RPL14: variants seen among roughly 807,000 people sequenced by gnomAD.
The protein encoded by RPL14 is large ribosomal subunit protein eL14.
Under a neutral mutation model 25.3 loss-of-function variants are expected in RPL14, and 4 were observed. That is an observed-to-expected ratio of 0.16 (90% CI 0.08 to 0.36). RPL14 has a LOEUF of 0.36. RPL14 is among the 10% of genes least tolerant of loss of function. The pLI, the probability that RPL14 is intolerant of heterozygous loss-of-function variation, is 1.00. For missense variants in RPL14, 212 were observed against 261.9 expected, an observed-to-expected ratio of 0.81 and a Z score of 1.31; for synonymous variants, 75 against 89.8, an observed-to-expected ratio of 0.84 and a Z score of 0.93.
At chr3:40,458,092 G>T in intron 2 of RPL14, 101 bp downstream of exon 2, 1 of 978,218 alleles carries the variant, frequency 1.0e-6, no homozygotes, top group Non-Finnish European at 1.6e-6. Context: ...GGATGCTATG[G>T]GTAGTCGCTT....
At chr3:40,458,525 A>G (rs999820770) in intron 2 of RPL14, 117 bp from the exon 3 acceptor site, 71 of 726,206 alleles carry the variant, frequency 9.8e-5, no homozygotes, top group Non-Finnish European at 7.8e-5. Context: ...TGAGCAATTT[A>G]TTAAAATAGT....
At chr3:40,461,017 A>G (rs2125625565) in intron 3 of RPL14, among the ~76,000 whole-genome samples, 1 of 152,200 alleles carries the variant, frequency 6.6e-6, no homozygotes, top group Admixed American at 6.5e-5. Context: ...GCAACGTAGC[A>G]AGACCCTGTC....
In RPL14 at chr3:40,457,484, C is replaced by T. The variant is rs780180858; in HGVS notation, c.3+10C>T. On this transcript the variant is annotated intron_variant, in intron 1 of 5. Coordinates refer to ENST00000396203, the MANE Select transcript of RPL14 (RefSeq NM_001034996.3). ...TCCCGGGAAGCGCATGGTGAGGGTC[C>T]CCGGGCCGGCTGTGCAGCGGAATCG... 7 of 1,545,236 alleles carry T rather than the reference C, an allele frequency of 4.5e-6. No homozygotes were observed. The highest frequency in any genetic ancestry group is 4.4e-6 in the Non-Finnish European group (5 of 1,140,672).
chr3:40,460,929 G>A (rs1257243270), intron 3 of RPL14, among the ~76,000 whole-genome samples: 1 of 151,146 alleles, frequency 6.6e-6, no homozygotes, highest in Non-Finnish European at 1.5e-5. Context: ...GGGTGCAGTG[G>A]CTCATACCTG....
rs1696964032 is a variant in RPL14, at chr3:40,462,657, T to C, written c.*425T>C. The C allele has an allele frequency of 1.3e-5, 2 of 158,610 alleles. No homozygotes were observed. Among genetic ancestry groups the C allele is most frequent in the Admixed American group, 1.2e-4 (2 of 16,456 alleles). 9.8% of individuals were successfully genotyped at this position (158,610 alleles called of 1,614,324 possible). On this transcript the variant is annotated 3_prime_UTR_variant, in exon 6 of 6. Coordinates refer to ENST00000396203, the MANE Select transcript of RPL14 (RefSeq NM_001034996.3). ...TCCCAAAGTGCTAGGATTGCAGGCA[T>C]GAGCCGCCGCGCCTGGCCTAAATAA...
At position 40,464,218 on chromosome 3, in the gene RPL14, CCAAA is replaced by C; in HGVS notation, c.*1987_*1990del. ...CAGGTGATCTGTCCGCCTTGGCCTC[CCAAA>C]GTGCTGGGATTACAGGCGTGAGCCA... On this transcript the variant is annotated 3_prime_UTR_variant, in exon 6 of 6. Transcript: ENST00000396203. 3.0e-6 allele frequency: 1 copy of C among 338,656 alleles called. No homozygotes were observed. The highest frequency in any genetic ancestry group is 2.3e-5 in the South Asian group (1 of 42,558). 21.0% of individuals were successfully genotyped at this position (338,656 alleles called of 1,614,324 possible). A position where few individuals can be genotyped will look rare whatever the true frequency, so the allele number is the denominator to read the frequency against.
rs1202667746 is a variant in RPL14 at position 40,462,925 on chromosome 3, ATTTATTTT to A, written c.*697_*704del. On this transcript the variant is annotated 3_prime_UTR_variant, in exon 6 of 6. Transcript: ENST00000396203. ...AGAGTCTAGCAGATTTATTTTATTT[ATTTATTTT>A]TTTTTTTTGGAGACAGAGTCTTGCT... 22 of 151,582 alleles carry A rather than the reference ATTTATTTT, an allele frequency of 1.5e-4. No individual in the cohort carries two copies. Among genetic ancestry groups the A allele is most frequent in the African/African-American group, 5.4e-4 (22 of 41,018 alleles). 9.4% of individuals were successfully genotyped at this position (151,582 alleles called of 1,614,324 possible).
intron 3 of RPL14, among the ~76,000 whole-genome samples, chr3:40,459,717 G>T (rs968926685): frequency 1.3e-5 from 2 of 152,006 alleles, no homozygotes; most frequent in African/African-American, 2.4e-5. Context: ...AAATATTCCG[G>T]GCATGGTGGC....
intron 2 of RPL14, 133 bp from the exon 3 acceptor site, chr3:40,458,509 C>CT: frequency 1.5e-6 from 1 of 673,350 alleles, no homozygotes; most frequent in East Asian, 2.7e-5. Context: ...CAATCCTTGT[C>CT]TTTTCTGAGC....
In RPL14 at chr3:40,457,997, T is replaced by C. The variant is rs200647892; in HGVS notation, c.105+6T>C. On this transcript the variant is annotated splice_donor_region_variant and intron_variant, in intron 2 of 5. Coordinates refer to ENST00000396203, the MANE Select transcript of RPL14 (RefSeq NM_001034996.3). ...ATGTTATTGATCAGAACAGGGTAAGTGTCACAACTTTTTACTAAACATGGC... is the reference window on the plus strand; with the variant it reads ...ATGTTATTGATCAGAACAGGGTAAGCGTCACAACTTTTTACTAAACATGGC... The C allele has an allele frequency of 3.3e-4, 531 of 1,613,150 alleles. 2 individuals carry two copies. Among genetic ancestry groups the C allele is most frequent in the Middle Eastern group, 1.2e-3 (7 of 6,060 alleles).
intron 3 of RPL14, 70 bp from the exon 4 acceptor site, chr3:40,461,337 A>T: frequency 7.6e-7 from 1 of 1,307,574 alleles, no homozygotes; most frequent in Non-Finnish European, 1.1e-6. Flanking sequence ...TTCAAGGAAC[A>T]AAGAAAGTGT....
intron 3 of RPL14, 106 bp downstream of exon 3, chr3:40,458,842 A>G (rs577229421): frequency 3.6e-6 from 3 of 824,360 alleles, no homozygotes; most frequent in South Asian, 2.9e-5. Context: ...CATCCTGAAG[A>G]GGGATTTGCA....
At position 40,462,372 on chromosome 3, in the gene RPL14, CCTTT is replaced by C; in HGVS notation, c.*141_*144del. ...TATAATAAACATTAAATAATCAGTT[CCTTT>C]TTTTTTTTTTTTTTTTTTGAGATGG... is the stretch of plus-strand genomic sequence containing the variant. On this transcript the variant is annotated 3_prime_UTR_variant, in exon 6 of 6. Coordinates refer to ENST00000396203, the MANE Select transcript of RPL14 (RefSeq NM_001034996.3). 5.8e-6 allele frequency: 3 copies of C among 519,752 alleles called. No individual in the cohort carries two copies. The highest frequency in any genetic ancestry group is 8.5e-6 in the Non-Finnish European group (3 of 353,076). The allele number at this position is 519,752 out of a possible 1,614,324, so 32.2% of individuals were successfully genotyped here.
In RPL14 at chr3:40,464,304, T is replaced by A. The variant is rs565395065; in HGVS notation, c.*2072T>A. 12 of 358,642 alleles carry A rather than the reference T, an allele frequency of 3.3e-5. No homozygotes were observed. In the East Asian group the frequency reaches 8.8e-4, roughly 26 times the overall value. The allele number at this position is 358,642 out of a possible 1,614,324, so 22.2% of individuals were successfully genotyped here. A position where few individuals can be genotyped will look rare whatever the true frequency, so the allele number is the denominator to read the frequency against. The stretch of plus-strand genomic sequence containing the variant: ...ATTTGTTTCCTAACCAAAAGCTAGC[T>A]TCAGGCGTCACTGGGGTAAAGGAAA... On this transcript the variant is annotated 3_prime_UTR_variant, in exon 6 of 6. Coordinates refer to ENST00000396203, the MANE Select transcript of RPL14 (RefSeq NM_001034996.3).
chr3:40,467,273 T>C lies in RPL14; in HGVS notation c.*5041T>C, dbSNP rs1237803461. 6.6e-6 allele frequency: 1 copy of C among 152,082 alleles called. No homozygotes were observed. The highest frequency in any genetic ancestry group is 1.5e-5 in the Non-Finnish European group (1 of 68,032). 9.4% of individuals were successfully genotyped at this position (152,082 alleles called of 1,614,324 possible). Reference sequence around the variant, plus strand: ...GGGATGGATGAATGGACTCAAGAGATTGTGGAAACCAAGAAGTCCCACAAA... The same window carrying C: ...GGGATGGATGAATGGACTCAAGAGACTGTGGAAACCAAGAAGTCCCACAAA... On this transcript the variant is annotated 3_prime_UTR_variant, in exon 6 of 6. Coordinates refer to ENST00000396203, the MANE Select transcript of RPL14 (RefSeq NM_001034996.3).
At chr3:40,457,559 T>A in intron 1 of RPL14, 85 bp downstream of exon 1, 1 of 1,194,828 alleles carries the variant, frequency 8.4e-7, no homozygotes, top group Non-Finnish European at 1.2e-6. Flanking sequence ...GGCGAGCGCG[T>A]GGAGGGCCCG....
At chr3:40,458,957 C>G in intron 3 of RPL14, 1 of 471,614 alleles carries the variant, frequency 2.1e-6, no homozygotes, top group East Asian at 3.8e-5. Flanking sequence ...GGGAGGGTCT[C>G]TTGAGCCCAA....
Position 40,464,625 on chromosome 3 carries a change from C to G in RPL14, c.*2393C>G. The stretch of plus-strand genomic sequence containing the variant: ...GGTTTTTTAAAATGGCGTGATATCT[C>G]AGATTTAGATCATTGAACTGTTAAG... On this transcript the variant is annotated 3_prime_UTR_variant, in exon 6 of 6. Transcript: ENST00000396203. The G allele has an allele frequency of 2.3e-6, 1 of 431,168 alleles. No individual in the cohort carries two copies. Among genetic ancestry groups the G allele is most frequent in the South Asian group, 1.7e-5 (1 of 60,472 alleles). The allele number at this position is 431,168 out of a possible 1,614,324, so 26.7% of individuals were successfully genotyped here. A position where few individuals can be genotyped will look rare whatever the true frequency, so the allele number is the denominator to read the frequency against.
In RPL14 at chr3:40,458,701, G is replaced by T. The variant is rs1696881412; in HGVS notation, c.165G>T (p.Met55Ile). Residue 55 changes from methionine to isoleucine, a missense_variant, in exon 3 of 6, where the codon ATG becomes ATT. Coordinates refer to ENST00000396203, the MANE Select transcript of RPL14 (RefSeq NM_001034996.3). ...GACAGGCCATGCCTTTCAAGTGCATGCAGCTCACTGATTTCATCCTCAAGT... is the reference window on the plus strand; with the variant it reads ...GACAGGCCATGCCTTTCAAGTGCATTCAGCTCACTGATTTCATCCTCAAGT... ...VRRQAMPFKC[M>I]QLTDFILKFP... 1 of 1,614,154 alleles carries T rather than the reference G, an allele frequency of 6.2e-7. No homozygotes were observed. The highest frequency in any genetic ancestry group is 8.5e-7 in the Non-Finnish European group (1 of 1,180,006).
Sources: allele counts gnomAD v4.1 joint callset (sites outside exome capture counted in the v4.1 genomes callset), GRCh38; gene constraint gnomAD v4.1.1; transcripts MANE v1.5; gene names NCBI Gene and HGNC (gene_info 2026-07-23, HGNC 2026-07-21).